VTA1: variants seen among roughly 807,000 people sequenced by gnomAD.
VTA1 encodes vesicle trafficking 1.
A neutral mutation model predicts 36.9 loss-of-function variants in VTA1; 24 were observed. The ratio of observed to expected loss-of-function variants is 0.65; its 90% CI spans 0.47 to 0.91. VTA1 has a LOEUF of 0.91. Ranked by LOEUF, VTA1 falls within the 40% of genes least tolerant of loss-of-function variation. The pLI is 0.00. For synonymous variants in VTA1, 142 were observed against 130.2 expected (o/e 1.09, Z -0.62); for missense variants, 393 against 377.2 (o/e 1.04, Z -0.35).
chr6:142,177,711 A>C (rs758993160), intron 4 of VTA1, among the ~76,000 whole-genome samples: 2 of 152,182 alleles, frequency 1.3e-5, no homozygotes, highest in Non-Finnish European at 2.9e-5. Context: ...GTCCATTCTA[A>C]GTACTAAATG....
intron 1 of VTA1, among the ~76,000 whole-genome samples, chr6:142,158,610 A>G (rs531375615): frequency 9.9e-5 from 15 of 152,228 alleles, no homozygotes; most frequent in South Asian, 6.2e-4. Context: ...TTTAATTGCA[A>G]TGTTTAAAAC....
chr6:142,156,448 T>A (rs188152962), intron 1 of VTA1, among the ~76,000 whole-genome samples: 235 of 152,334 alleles, frequency 1.5e-3, no homozygotes, highest in Non-Finnish European at 1.7e-3. Flanking sequence ...TCCATCTCTT[T>A]ATTTTTCTTT....
intron 5 of VTA1, among the ~76,000 whole-genome samples, chr6:142,198,118 T>G (rs1775597846): frequency 1.6e-5 from 1 of 62,652 alleles, no homozygotes; most frequent in Admixed American, 1.4e-4. Context: ...TATATATATA[T>G]ATGTGTGTGT....
intron 4 of VTA1, among the ~76,000 whole-genome samples, chr6:142,178,288 A>G (rs1775163439): frequency 6.6e-6 from 1 of 152,142 alleles, no homozygotes. Flanking sequence ...TGACATATTT[A>G]AAGGGCTGAA....
At chr6:142,205,320 G>T (rs1168046108) in intron 7 of VTA1, among the ~76,000 whole-genome samples, 5 of 151,900 alleles carry the variant, frequency 3.3e-5, no homozygotes, top group African/African-American at 1.2e-4. Flanking sequence ...TAATTTTGTG[G>T]ATTTATTTCC....
chr6:142,218,441 C>T lies in VTA1; in HGVS notation c.779-57C>T, dbSNP rs1207930514. ...ATCTTAAGCATAAGCATTTGCCCAA[C>T]CTTACAGAACACTTTTTATATTCTT... is the stretch of plus-strand genomic sequence containing the variant. On this transcript the variant is annotated intron_variant, in intron 7 of 7. Transcript: ENST00000367630. The T allele has an allele frequency of 2.5e-6, 4 of 1,575,836 alleles. No homozygotes were observed. In the African/African-American group the frequency reaches 4.1e-5, roughly 16 times the overall value.
chr6:142,183,312 CTT>C (rs972686632), intron 4 of VTA1, among the ~76,000 whole-genome samples: 2 of 152,072 alleles, frequency 1.3e-5, no homozygotes, highest in African/African-American at 4.8e-5. Context: ...TTCAAGGTGA[CTT>C]TTTGGTATGC....
intron 1 of VTA1, among the ~76,000 whole-genome samples, chr6:142,149,937 GTC>G (rs1309363709): frequency 3.3e-5 from 5 of 151,932 alleles, no homozygotes; most frequent in African/African-American, 4.8e-5. Flanking sequence ...TAACTTCCTT[GTC>G]TCTTGATTCT....
At position 142,190,037 on chromosome 6, in the gene VTA1, G is replaced by T. The variant is rs535719603; in HGVS notation, c.520+503G>T. On this transcript the variant is annotated intron_variant, in intron 5 of 7. Transcript: ENST00000367630. Reference sequence around the variant, plus strand: ...CTCCCAAAGTGCTGGGATTACAGGCGTGAGCCACCGTACCTGGCCTCCTAC... The same window carrying T: ...CTCCCAAAGTGCTGGGATTACAGGCTTGAGCCACCGTACCTGGCCTCCTAC... Among the ~76,000 whole-genome samples, 3 of 152,242 alleles carry T rather than the reference G, an allele frequency of 2.0e-5. No individual in the cohort carries two copies. In the East Asian group the frequency reaches 5.8e-4, roughly 29 times the overall value.
intron 6 of VTA1, 113 bp from the exon 7 acceptor site, chr6:142,203,872 T>A: frequency 1.2e-6 from 1 of 807,318 alleles, no homozygotes; most frequent in Non-Finnish European, 2.0e-6. Flanking sequence ...CCATTGATGT[T>A]TCTAGAAAAT....
intron 4 of VTA1, among the ~76,000 whole-genome samples, chr6:142,181,199 T>G (rs1430106953): frequency 7.0e-6 from 1 of 143,620 alleles, no homozygotes; most frequent in South Asian, 2.2e-4. Context: ...AGTGGCGCGA[T>G]CTCACCTCTC....
intron 1 of VTA1, among the ~76,000 whole-genome samples, chr6:142,159,285 G>T (rs1377796396): frequency 6.6e-6 from 1 of 151,852 alleles, no homozygotes; most frequent in Non-Finnish European, 1.5e-5. Flanking sequence ...AACCATCTGC[G>T]CCCAGGAAGT....
intron 4 of VTA1, among the ~76,000 whole-genome samples, chr6:142,181,094 A>AAAAAAAAATATATATATATATATATAT (rs1471429927): frequency 5.5e-5 from 2 of 36,422 alleles, no homozygotes; most frequent in African/African-American, 7.6e-5. Flanking sequence ...AAAAAAAAAA[A>AAAAAAAAATATATATATATATATATAT]ATATATATAT....
At chr6:142,213,800 C>T (rs1775950905) in intron 7 of VTA1, among the ~76,000 whole-genome samples, 1 of 152,172 alleles carries the variant, frequency 6.6e-6, no homozygotes, top group South Asian at 2.1e-4. Context: ...CAAGGCTACA[C>T]AGAGCAGCTG....
chr6:142,152,644 G>T (rs1778589351), intron 1 of VTA1, among the ~76,000 whole-genome samples: 1 of 152,000 alleles, frequency 6.6e-6, no homozygotes, highest in African/African-American at 2.4e-5. Flanking sequence ...AAGTTGCTAT[G>T]ATAGTTTAGT....
At chr6:142,170,105 G>A (rs1273810172) in intron 3 of VTA1, among the ~76,000 whole-genome samples, 1 of 152,098 alleles carries the variant, frequency 6.6e-6, no homozygotes, top group African/African-American at 2.4e-5. Context: ...TTTTTCTAAA[G>A]TCAAAAACAT....
chr6:142,198,430 A>G lies in VTA1; in HGVS notation c.521-9A>G, dbSNP rs573316213. On this transcript the variant is annotated splice_polypyrimidine_tract_variant and intron_variant, in intron 5 of 7. Transcript: ENST00000367630. The stretch of plus-strand genomic sequence containing the variant: ...CCTACTGTAACATTGTGTATATGTG[A>G]TCTGATAGATATTGAAGAAAATGAA... 1 of 1,613,640 alleles carries G rather than the reference A, an allele frequency of 6.2e-7. No individual in the cohort carries two copies. The highest frequency in any genetic ancestry group is 1.3e-5 in the African/African-American group (1 of 75,020).
chr6:142,173,300 A>G (rs983008706), intron 4 of VTA1, among the ~76,000 whole-genome samples: 6 of 152,260 alleles, frequency 3.9e-5, no homozygotes, highest in African/African-American at 1.4e-4. Context: ...GGAAGAAGTT[A>G]ATAAACACAT....
rs1471429927 is a variant in VTA1 at position 142,181,094 on chromosome 6, A to AAAATATATATATATAT, written c.412-8331_412-8330insAATATATATATATATA. Among the ~76,000 whole-genome samples, 51 of 36,418 alleles carry AAAATATATATATATAT rather than the reference A, an allele frequency of 1.4e-3. 1 individual carries two copies. Among genetic ancestry groups the AAAATATATATATATAT allele is most frequent in the Non-Finnish European group, 2.3e-3 (39 of 17,162 alleles). The allele number at this position is 36,418 out of a possible 152,430, so 23.9% of individuals were successfully genotyped here. A position where few individuals can be genotyped will look rare whatever the true frequency, so the allele number is the denominator to read the frequency against. On this transcript the variant is annotated intron_variant, in intron 4 of 7. Transcript: ENST00000367630. ...AATGGTACAGAAAAAAAAAAAAAAA[A>AAAATATATATATATAT]ATATATATATATATATATATATACA...
Sources: allele counts gnomAD v4.1 joint callset (sites outside exome capture counted in the v4.1 genomes callset), GRCh38; gene constraint gnomAD v4.1.1; transcripts MANE v1.5; gene names NCBI Gene and HGNC (gene_info 2026-07-23, HGNC 2026-07-21).